Variants in CADM2 observed in about 807,000 individuals in gnomAD.
CADM2 encodes cell adhesion molecule 2.
A neutral mutation model predicts 49.8 loss-of-function variants in CADM2; 12 were observed. That is an observed-to-expected ratio of 0.24 (90% confidence interval 0.15 to 0.39). The LOEUF is 0.39. Among genes scored for constraint, CADM2 ranks in the 10% least tolerant of loss-of-function variants. The pLI, the probability that CADM2 is intolerant of heterozygous loss-of-function variation, is 1.00. For missense variants in CADM2, 378 were observed against 492.3 expected, an observed-to-expected ratio of 0.77 and a Z score of 2.20; for synonymous variants, 214 against 175.4, an observed-to-expected ratio of 1.22 and a Z score of -1.74.
rs529447125 is a variant in CADM2 at position 85,761,367 on chromosome 3, C to CTTT, written c.88+34840_88+34842dup. Among the ~76,000 whole-genome samples the CTTT allele has an allele frequency of 4.2e-3, 429 of 101,058 alleles. 28 individuals are homozygous for CTTT. Among genetic ancestry groups the CTTT allele is most frequent in the African/African-American group, 0.017 (345 of 20,864 alleles). The allele number at this position is 101,058 out of a possible 152,430, so 66.3% of individuals were successfully genotyped here. On this transcript the variant is annotated intron_variant, in intron 2 of 9. Transcript: ENST00000383699. ...AAAACTGTTGATATACAACACAAAA[C>CTTT]TTTTTTTTTTTTTTTTTTTTTTTGG... is the stretch of plus-strand genomic sequence containing the variant.
chr3:85,234,520 A>G (rs938040523), intron 1 of CADM2, among the ~76,000 whole-genome samples: 4 of 152,144 alleles, frequency 2.6e-5, no homozygotes, highest in African/African-American at 9.7e-5. Flanking sequence ...AAACCATGAA[A>G]CTGTAAAATA....
intron 1 of CADM2, among the ~76,000 whole-genome samples, chr3:85,418,192 C>T (rs2036000376): frequency 7.0e-6 from 1 of 142,444 alleles, no homozygotes; most frequent in African/African-American, 2.5e-5. Flanking sequence ...TGAAGTTATT[C>T]TGCATAATAA....
chr3:85,998,082 A>G (rs1192215844), intron 8 of CADM2, among the ~76,000 whole-genome samples: 1 of 152,162 alleles, frequency 6.6e-6, no homozygotes, highest in Non-Finnish European at 1.5e-5. Context: ...GGTATTTAAG[A>G]GAGGATTTTT....
At chr3:85,567,292 A>G (rs918297230) in intron 1 of CADM2, among the ~76,000 whole-genome samples, 2 of 152,208 alleles carry the variant, frequency 1.3e-5, no homozygotes, top group Non-Finnish European at 2.9e-5. Flanking sequence ...AATGTACAAC[A>G]TACAAACCAC....
intron 9 of CADM2, among the ~76,000 whole-genome samples, 188 bp downstream of exon 9, chr3:86,065,918 A>G (rs1739256824): frequency 1.3e-5 from 2 of 152,188 alleles, no homozygotes; most frequent in Admixed American, 6.5e-5. Context: ...TGGCTTAGCA[A>G]AATAATGTTT....
At chr3:85,855,486 A>T (rs1467998487) in intron 3 of CADM2, among the ~76,000 whole-genome samples, 1 of 151,336 alleles carries the variant, frequency 6.6e-6, no homozygotes, top group Non-Finnish European at 1.5e-5. Flanking sequence ...ACATAATGTG[A>T]GATTTATTCA....
intron 1 of CADM2, among the ~76,000 whole-genome samples, chr3:85,150,963 G>A (rs976979922): frequency 6.7e-6 from 1 of 148,650 alleles, no homozygotes; most frequent in Non-Finnish European, 1.5e-5. Flanking sequence ...TAATTGGATG[G>A]CAAAGAACCT....
At chr3:85,860,285 A>T (rs1343697317) in intron 3 of CADM2, among the ~76,000 whole-genome samples, 1 of 152,192 alleles carries the variant, frequency 6.6e-6, no homozygotes, top group Non-Finnish European at 1.5e-5. Context: ...AACAAAAACA[A>T]CAAAAATCCT....
intron 6 of CADM2, among the ~76,000 whole-genome samples, chr3:85,927,100 C>A (rs575115207): frequency 3.3e-5 from 5 of 152,208 alleles, no homozygotes; most frequent in Non-Finnish European, 7.4e-5. Flanking sequence ...CCAATGCATA[C>A]AGAGCAATTA....
intron 1 of CADM2, among the ~76,000 whole-genome samples, chr3:85,162,494 G>A (rs2040357486): frequency 6.6e-6 from 1 of 151,642 alleles, no homozygotes; most frequent in Admixed American, 6.6e-5. Flanking sequence ...TGGAAGCAAT[G>A]GACACAAACC....
At chr3:85,061,707 T>C (rs2036324289) in intron 1 of CADM2, among the ~76,000 whole-genome samples, 1 of 152,112 alleles carries the variant, frequency 6.6e-6, no homozygotes, top group African/African-American at 2.4e-5. Context: ...CTAGTACATC[T>C]TAGACACATT....
At chr3:85,862,132 T>A (rs2075559679) in intron 3 of CADM2, among the ~76,000 whole-genome samples, 1 of 152,166 alleles carries the variant, frequency 6.6e-6, no homozygotes, top group African/African-American at 2.4e-5. Flanking sequence ...GTGTATTTTA[T>A]TCTCAAAACT....
At chr3:85,682,588 G>A (rs748968794) in intron 1 of CADM2, among the ~76,000 whole-genome samples, 2 of 151,950 alleles carry the variant, frequency 1.3e-5, no homozygotes, top group Admixed American at 1.3e-4. Flanking sequence ...TTGACATTGT[G>A]TATAAATTAT....
At chr3:85,909,795 C>A (rs541007707) in intron 5 of CADM2, among the ~76,000 whole-genome samples, 8 of 152,108 alleles carry the variant, frequency 5.3e-5, no homozygotes, top group African/African-American at 9.7e-5. Flanking sequence ...AAGAAAATTT[C>A]TGTTGGCTCT....
chr3:84,994,368 A>G (rs999075585), intron 1 of CADM2, among the ~76,000 whole-genome samples: 1 of 152,166 alleles, frequency 6.6e-6, no homozygotes, highest in Non-Finnish European at 1.5e-5. Flanking sequence ...GATATTTTGA[A>G]TAAATACACT....
At chr3:86,031,816 G>A (rs1734593742) in intron 8 of CADM2, among the ~76,000 whole-genome samples, 1 of 151,670 alleles carries the variant, frequency 6.6e-6, no homozygotes, top group African/African-American at 2.4e-5. Flanking sequence ...TGGTGTACAT[G>A]TCCTCTAGGG....
At chr3:85,653,465 T>C (rs995932473) in intron 1 of CADM2, among the ~76,000 whole-genome samples, 1 of 151,414 alleles carries the variant, frequency 6.6e-6, no homozygotes, top group Non-Finnish European at 1.5e-5. Context: ...AAGAGGAGTA[T>C]AAAAGGACCC....
intron 1 of CADM2, among the ~76,000 whole-genome samples, chr3:85,617,095 C>G (rs111520010): frequency 6.6e-6 from 1 of 152,088 alleles, no homozygotes; most frequent in Non-Finnish European, 1.5e-5. Context: ...CTTCCGTGGA[C>G]GCCAGCTGGG....
At chr3:85,895,200 A>T (rs566376000) in intron 5 of CADM2, among the ~76,000 whole-genome samples, 199 of 152,300 alleles carry the variant, frequency 1.3e-3, no homozygotes, top group African/African-American at 4.4e-3. Context: ...CAGCTGCCTA[A>T]GGCCATGGAA....
Sources: gnomAD v4.1 joint callset for allele counts (sites outside exome capture counted in the v4.1 genomes callset) on GRCh38, gnomAD v4.1.1 for gene constraint, MANE v1.5 for transcripts, NCBI Gene and HGNC (gene_info 2026-07-23, HGNC 2026-07-21) for gene names.